The following DAPK1 variants were observed in gnomAD, a reference collection of about 807,000 sequenced individuals.
The protein encoded by DAPK1 is death-associated protein kinase 1.
DAPK1 carries 56 observed loss-of-function variants against 144.9 expected under a neutral mutation model. The ratio of observed to expected loss-of-function variants is 0.39; its 90% CI spans 0.31 to 0.48. The LOEUF is 0.48. DAPK1 is among the 20% of genes least tolerant of loss of function. The probability of loss-of-function intolerance (pLI) is 0.95; values close to 1 mark genes in which losing one functional copy is unlikely to be tolerated. For synonymous variants in DAPK1, 690 were observed against 749.0 expected (o/e 0.92, Z 1.29); for missense variants, 1,454 against 1,875.4 (o/e 0.78, Z 4.15).
intron 2 of DAPK1, among the ~76,000 whole-genome samples, chr9:87,538,643 A>T (rs964386118): frequency 4.6e-5 from 7 of 152,318 alleles, no homozygotes; most frequent in Admixed American, 2.6e-4. Flanking sequence ...ATTGATGGGA[A>T]TGACTTTCTG....
At chr9:87,568,987 A>T (rs574310781) in intron 2 of DAPK1, among the ~76,000 whole-genome samples, 1 of 152,376 alleles carries the variant, frequency 6.6e-6, no homozygotes, top group South Asian at 2.1e-4. Context: ...TGATTAAAAA[A>T]TACTGGAGGT....
chr9:87,502,238 C>T (rs1733775206), intron 2 of DAPK1, among the ~76,000 whole-genome samples: 1 of 151,990 alleles, frequency 6.6e-6, no homozygotes, highest in Non-Finnish European at 1.5e-5. Context: ...TGGCCTTGAG[C>T]TGGCACACCC....
At chr9:87,503,672 T>C (rs1186507581) in intron 2 of DAPK1, among the ~76,000 whole-genome samples, 1 of 152,164 alleles carries the variant, frequency 6.6e-6, no homozygotes, top group Non-Finnish European at 1.5e-5. Flanking sequence ...TGAAAGAATA[T>C]GTATGTATTA....
chr9:87,676,231 T>A (rs1336116955), intron 19 of DAPK1, among the ~76,000 whole-genome samples: 1 of 152,204 alleles, frequency 6.6e-6, no homozygotes, highest in African/African-American at 2.4e-5. Flanking sequence ...CAGGGTTGTC[T>A]TGTAACTTGT....
chr9:87,537,326 C>T (rs1351138775), intron 2 of DAPK1, among the ~76,000 whole-genome samples: 1 of 152,128 alleles, frequency 6.6e-6, no homozygotes, highest in Non-Finnish European at 1.5e-5. Context: ...CTCTGTAGTG[C>T]ATCAGTATCC....
chr9:87,547,222 TA>T (rs1826282522), intron 2 of DAPK1, among the ~76,000 whole-genome samples: 2 of 152,276 alleles, frequency 1.3e-5, no homozygotes, highest in East Asian at 3.9e-4. Flanking sequence ...TAATTTGATA[TA>T]AAAATAATCA....
rs1461402432 is a variant in DAPK1, at chr9:87,698,558, G to A, written c.2612-98G>A. 30 of 736,286 alleles carry A rather than the reference G, an allele frequency of 4.1e-5. No individual in the cohort carries two copies. The East Asian group carries it at 6.1e-4, about 15-fold the overall frequency. 45.6% of individuals were successfully genotyped at this position (736,286 alleles called of 1,614,324 possible). On this transcript the variant is annotated intron_variant, in intron 22 of 25. Coordinates refer to ENST00000408954, the MANE Select transcript of DAPK1 (RefSeq NM_004938.4). Reference sequence around the variant, plus strand: ...ATGTTGCACTTGTACCTGGAGAGTCGGCCTGGGCATGAGGCCAACACACCG... The same window carrying A: ...ATGTTGCACTTGTACCTGGAGAGTCAGCCTGGGCATGAGGCCAACACACCG...
At chr9:87,644,503 C>T (rs995927812) in intron 11 of DAPK1, among the ~76,000 whole-genome samples, 4 of 151,782 alleles carry the variant, frequency 2.6e-5, no homozygotes, top group Non-Finnish European at 4.4e-5. Flanking sequence ...TGAGGCTTCA[C>T]ATCTAGCCTT....
chr9:87,677,218 T>C (rs1824423175), intron 19 of DAPK1, among the ~76,000 whole-genome samples: 1 of 152,236 alleles, frequency 6.6e-6, no homozygotes, highest in Non-Finnish European at 1.5e-5. Flanking sequence ...CAGGAGCTTC[T>C]GAACCAGCAT....
intron 21 of DAPK1, among the ~76,000 whole-genome samples, chr9:87,693,164 ATTTTTTATCTCCTTC>A (rs981244426): frequency 6.6e-6 from 1 of 151,052 alleles, no homozygotes; most frequent in Non-Finnish European, 1.5e-5. Flanking sequence ...TAATAAATAG[ATTTTTTATCTCCTTC>A]AGTTTCTCTT....
chr9:87,649,903 A>G lies in DAPK1; in HGVS notation c.1429-18A>G, dbSNP rs780236322. 3 of 1,612,410 alleles carry G rather than the reference A, an allele frequency of 1.9e-6. No individual in the cohort carries two copies. The highest frequency in any genetic ancestry group is 2.5e-6 in the Non-Finnish European group (3 of 1,178,764). Reference sequence around the variant, plus strand: ...ATTATTGTGTTCTCCTCCTCTCTGTACTCGTCTCCTTGGCCAGGAAGAAGA... The same window carrying G: ...ATTATTGTGTTCTCCTCCTCTCTGTGCTCGTCTCCTTGGCCAGGAAGAAGA... On this transcript the variant is annotated intron_variant, in intron 15 of 25. Transcript: ENST00000408954.
In DAPK1 at chr9:87,499,123, G is replaced by T. The variant is rs759598995; in HGVS notation, c.46G>T (p.Gly16Cys). ...AAACGTGGATGATTACTACGACACC[G>T]GCGAGGAACTTGGCAGGTAAAGGGG... The part of the protein sequence containing the change: ...QENVDDYYDT[G>C]EELGSGQFAV... The change falls in exon 2 of 26, where the codon GGC becomes TGC. Residue 16 changes from glycine (G) to cysteine (C), a missense_variant. Gly to Cys is a radical substitution (Grantham distance 159, BLOSUM62 -3). This residue lies in a region of DAPK1 where 429 missense variants were observed against 637.5 expected (regional missense o/e 0.67). Coordinates refer to ENST00000408954, the MANE Select transcript of DAPK1 (RefSeq NM_004938.4). 2 of 1,614,002 alleles carry T rather than the reference G, an allele frequency of 1.2e-6. No individual in the cohort carries two copies. Among genetic ancestry groups the T allele is most frequent in the South Asian group, 1.1e-5 (1 of 91,076 alleles).
rs149184759 is a variant in DAPK1 at position 87,650,241 on chromosome 9, C to T, written c.1626+123C>T. On this transcript the variant is annotated intron_variant, in intron 16 of 25. Transcript: ENST00000408954. ...TGAATGCAGCAAACTGTAATTACCC[C>T]GTCTCTTCTCTGTTCCAAAGATTCT... 469 of 867,410 alleles carry T rather than the reference C, an allele frequency of 5.4e-4. 1 individual carries two copies. Among genetic ancestry groups the T allele is most frequent in the Middle Eastern group, 1.3e-3 (5 of 3,956 alleles). The allele number at this position is 867,410 out of a possible 1,614,324, so 53.7% of individuals were successfully genotyped here.
chr9:87,645,051 C>T (rs1403251621), intron 11 of DAPK1, among the ~76,000 whole-genome samples: 2 of 152,172 alleles, frequency 1.3e-5, no homozygotes, highest in Non-Finnish European at 2.9e-5. Flanking sequence ...GAGAGAAATG[C>T]TTTCTCCATT....
intron 2 of DAPK1, among the ~76,000 whole-genome samples, chr9:87,542,308 C>G (rs752114832): frequency 3.3e-5 from 5 of 152,212 alleles, no homozygotes; most frequent in African/African-American, 9.7e-5. Context: ...TCTTATAGAT[C>G]ATCTCTGAAT....
intron 2 of DAPK1, among the ~76,000 whole-genome samples, chr9:87,512,340 C>T (rs568950826): frequency 6.6e-6 from 1 of 152,040 alleles, no homozygotes; most frequent in African/African-American, 2.4e-5. Flanking sequence ...AGTGTGGACA[C>T]CTGAGTCCCT....
At position 87,632,922 on chromosome 9, in the gene DAPK1, A is replaced by ATATATAT. The variant is rs1564033114; in HGVS notation, c.285-5021_285-5020insTATATAT. 3.2e-6 allele frequency: 3 copies of ATATATAT among 923,466 alleles called. No individual in the cohort carries two copies. In the African/African-American group the frequency reaches 5.6e-5, roughly 17 times the overall value. 57.2% of individuals were successfully genotyped at this position (923,466 alleles called of 1,614,324 possible). A position where few individuals can be genotyped will look rare whatever the true frequency, so the allele number is the denominator to read the frequency against. Reference sequence around the variant, plus strand: ...AGGATGAGTATATATATATATATATAAATGAAGGGTGATCAGTATATACGT... The same window carrying ATATATAT: ...AGGATGAGTATATATATATATATATATATATATAATGAAGGGTGATCAGTATATACGT... On this transcript the variant is annotated intron_variant, in intron 3 of 25. Transcript: ENST00000408954.
chr9:87,596,662 A>G (rs1828330142), intron 2 of DAPK1, among the ~76,000 whole-genome samples: 1 of 152,122 alleles, frequency 6.6e-6, no homozygotes, highest in African/African-American at 2.4e-5. Flanking sequence ...CTCCTTTCCC[A>G]TGCTCTCCTG....
At chr9:87,537,574 G>A (rs1825902517) in intron 2 of DAPK1, among the ~76,000 whole-genome samples, 1 of 151,240 alleles carries the variant, frequency 6.6e-6, no homozygotes, top group Admixed American at 6.6e-5. Context: ...GGAGTATCTG[G>A]CATGTGTGTA....
Sources: gnomAD v4.1 joint callset for allele counts (sites outside exome capture counted in the v4.1 genomes callset) on GRCh38, gnomAD v4.1.1 for gene constraint, gnomAD v4.1.1 regional missense constraint, MANE v1.5 for transcripts, NCBI Gene and HGNC (gene_info 2026-07-23, HGNC 2026-07-21) for gene names.